The following GPC5 variants were observed in gnomAD, a reference collection of about 807,000 sequenced individuals.
GPC5 encodes the protein glypican 5, also known as glypican-5.
GPC5 carries 47 observed loss-of-function variants against 53.9 expected under a neutral mutation model. The observed-to-expected ratio is 0.87, with a 90% CI of 0.69 to 1.11. The LOEUF (loss-of-function observed/expected upper bound fraction) is 1.11. Among genes scored for constraint, GPC5 ranks in the 50% most tolerant of loss-of-function variants. The probability of loss-of-function intolerance (pLI) is 0.00; values close to 1 mark genes in which losing one functional copy is unlikely to be tolerated. For missense variants in GPC5, 748 were observed against 713.1 expected (o/e 1.05, Z -0.56); for synonymous variants, 286 against 263.3 (o/e 1.09, Z -0.84).
chr13:92,376,880 G>A (rs1257551785), intron 7 of GPC5, among the ~76,000 whole-genome samples: 1 of 152,080 alleles, frequency 6.6e-6, no homozygotes, highest in Non-Finnish European at 1.5e-5. Context: ...GCCAGGCATG[G>A]TGGCACATGC....
At chr13:91,665,145 A>G (rs1454306693) in intron 2 of GPC5, among the ~76,000 whole-genome samples, 2 of 152,230 alleles carry the variant, frequency 1.3e-5, no homozygotes, top group Non-Finnish European at 2.9e-5. Context: ...AGAATCATAT[A>G]ACTTACTGTA....
At chr13:92,342,225 TC>T (rs2043372860) in intron 7 of GPC5, among the ~76,000 whole-genome samples, 1 of 152,124 alleles carries the variant, frequency 6.6e-6, no homozygotes, top group Non-Finnish European at 1.5e-5. Flanking sequence ...TGCCCACTGC[TC>T]TGAGCTCTAC....
chr13:92,517,471 A>G (rs1158771119), intron 7 of GPC5, among the ~76,000 whole-genome samples: 2 of 152,148 alleles, frequency 1.3e-5, no homozygotes, highest in African/African-American at 4.8e-5. Context: ...ACGGCTGGGT[A>G]CCCCTGGGAG....
chr13:92,558,541 G>T (rs1244146619), intron 7 of GPC5, among the ~76,000 whole-genome samples: 2 of 151,944 alleles, frequency 1.3e-5, no homozygotes, highest in Non-Finnish European at 2.9e-5. Context: ...CTCAGTTAGG[G>T]TTATGTTTGT....
chr13:91,446,371 T>G (rs2139086467), intron 1 of GPC5, among the ~76,000 whole-genome samples: 1 of 152,300 alleles, frequency 6.6e-6, no homozygotes. Context: ...TTGAGGCACA[T>G]TACTGTTTTA....
intron 2 of GPC5, among the ~76,000 whole-genome samples, chr13:91,621,759 C>A (rs2033861816): frequency 3.7e-5 from 4 of 107,420 alleles, no homozygotes; most frequent in African/African-American, 1.1e-4. Flanking sequence ...AGGGACAGAA[C>A]ATTATATATA....
intron 6 of GPC5, among the ~76,000 whole-genome samples, chr13:91,943,074 A>G (rs1439160535): frequency 1.3e-5 from 2 of 152,072 alleles, no homozygotes; most frequent in Admixed American, 6.6e-5. Context: ...ACATGCTTTA[A>G]TCACCATTTG....
At chr13:91,713,115 C>T (rs757576711) in intron 3 of GPC5, among the ~76,000 whole-genome samples, 2 of 152,080 alleles carry the variant, frequency 1.3e-5, no homozygotes, top group African/African-American at 2.4e-5. Flanking sequence ...TGCTTGAACC[C>T]GGGAGGCGGA....
In GPC5 at chr13:91,830,159, A is replaced by T. The variant is rs139800531; in HGVS notation, c.1280+73739A>T. ...CCACGCCCAGGGGGGCCGTGTATAG[A>T]CCTACCCCCAGGCACGTATTCTCTT... is the stretch of plus-strand genomic sequence containing the variant. On this transcript the variant is annotated intron_variant, in intron 5 of 7. Coordinates refer to ENST00000377067, the MANE Select transcript of GPC5 (RefSeq NM_004466.6). Among the ~76,000 whole-genome samples the T allele has an allele frequency of 6.6e-5, 10 of 152,092 alleles. No individual in the cohort carries two copies. The East Asian group carries it at 1.7e-3, about 27-fold the overall frequency.
chr13:92,404,031 T>C (rs1387945829), intron 7 of GPC5, among the ~76,000 whole-genome samples: 1 of 152,194 alleles, frequency 6.6e-6, no homozygotes, highest in African/African-American at 2.4e-5. Flanking sequence ...GTTTTCCAAA[T>C]AGAAGTTTAT....
At chr13:92,592,122 A>T (rs1883731868) in intron 7 of GPC5, among the ~76,000 whole-genome samples, 1 of 152,226 alleles carries the variant, frequency 6.6e-6, no homozygotes. Context: ...TGTAAAGACC[A>T]TATTCCACCA....
At chr13:92,579,274 CCTCTCTCTCTCTCTCTCTCTCTCT>C in intron 7 of GPC5, among the ~76,000 whole-genome samples, 1 of 16,010 alleles carries the variant, frequency 6.2e-5, no homozygotes, top group Admixed American at 5.6e-4. Flanking sequence ...TCCCTCCCTC[CCTCTCTCTCTCTCTCTCTCTCTCT>C]CTCCCTCCCT....
chr13:91,733,044 C>G (rs1330411363), intron 4 of GPC5, among the ~76,000 whole-genome samples: 1 of 152,110 alleles, frequency 6.6e-6, no homozygotes, highest in Non-Finnish European at 1.5e-5. Context: ...GTAGTTTTTT[C>G]TAATTCTGTG....
intron 3 of GPC5, among the ~76,000 whole-genome samples, chr13:91,724,483 TATTCTAA>T (rs1022861947): frequency 2.0e-5 from 3 of 152,058 alleles, no homozygotes. Context: ...CAATTTGTAA[TATTCTAA>T]ACATTTTTGC....
At chr13:92,541,469 G>A (rs1198423565) in intron 7 of GPC5, among the ~76,000 whole-genome samples, 4 of 151,612 alleles carry the variant, frequency 2.6e-5, no homozygotes, top group Non-Finnish European at 4.4e-5. Context: ...TCCTTTCTTT[G>A]TGTTGTGCCT....
intron 7 of GPC5, among the ~76,000 whole-genome samples, chr13:92,408,708 T>A (rs753999430): frequency 6.6e-6 from 1 of 152,072 alleles, no homozygotes; most frequent in African/African-American, 2.4e-5. Context: ...TTTTTCTATA[T>A]GTTCAGTGTG....
At chr13:92,485,776 G>C (rs534946395) in intron 7 of GPC5, among the ~76,000 whole-genome samples, 14 of 152,128 alleles carry the variant, frequency 9.2e-5, no homozygotes, top group Non-Finnish European at 2.1e-4. Context: ...AGGAGCTTGA[G>C]ACCAGCCTGG....
At chr13:91,826,957 G>C (rs1052016499) in intron 5 of GPC5, among the ~76,000 whole-genome samples, 2 of 151,918 alleles carry the variant, frequency 1.3e-5, no homozygotes. Context: ...GGGAAATAAA[G>C]AGGAGTTGTT....
At chr13:92,836,429 A>G (rs1878221274) in intron 7 of GPC5, among the ~76,000 whole-genome samples, 2 of 152,116 alleles carry the variant, frequency 1.3e-5, no homozygotes, top group African/African-American at 4.8e-5. Context: ...AACAACAACA[A>G]AAAAATCATC....
Sources: gnomAD v4.1 joint callset for allele counts (sites outside exome capture counted in the v4.1 genomes callset) on GRCh38, gnomAD v4.1.1 for gene constraint, MANE v1.5 for transcripts, NCBI Gene and HGNC (gene_info 2026-07-23, HGNC 2026-07-21) for gene names.